The following GRIN2A variants were observed in gnomAD, a reference collection of about 807,000 sequenced individuals.
The protein encoded by GRIN2A is glutamate receptor ionotropic, NMDA 2A.
Under a neutral mutation model 113.4 loss-of-function variants are expected in GRIN2A, and 22 were observed. That is an observed-to-expected ratio of 0.19 (90% CI 0.14 to 0.28). GRIN2A has a LOEUF of 0.28. GRIN2A is among the 10% of genes least tolerant of loss of function. GRIN2A has a pLI of 1.00. For synonymous variants in GRIN2A, 827 were observed against 738.4 expected (o/e 1.12, Z -1.94); for missense variants, 1,502 against 1,887.0 (o/e 0.80, Z 3.78).
intron 2 of GRIN2A, chr16:9,970,725 G>A: frequency 1.1e-6 from 1 of 948,572 alleles, no homozygotes. Context: ...AATAAATAAA[G>A]CAGGCAGAGT....
rs752063384 is a variant in GRIN2A at position 9,938,513 on chromosome 16, G to A, written c.453C>T (p.Ile151=). 3 of 1,609,394 alleles carry A rather than the reference G, an allele frequency of 1.9e-6. No individual in the cohort carries two copies. In the East Asian group the frequency reaches 6.7e-5, roughly 36 times the overall value. ...TSTFFQFGAS[I]QQQATVMLKI... is the part of the protein sequence containing the mutation. ...TCAGCATGACCGTGGCTTGCTGCTG[G>A]ATGGACGCTCCAAACTGGAAGAAGG... The change falls in exon 3 of 13, where the codon ATC becomes ATT. Residue 151 remains isoleucine (I), a synonymous_variant. Coordinates refer to ENST00000330684, the MANE Select transcript of GRIN2A (RefSeq NM_001134407.3).
chr16:9,964,996 T>G (rs1430366259), intron 2 of GRIN2A, among the ~76,000 whole-genome samples: 2 of 152,178 alleles, frequency 1.3e-5, no homozygotes, highest in African/African-American at 4.8e-5. Flanking sequence ...TTCAAGAGTA[T>G]GAGAAGGAAA....
chr16:9,992,757 T>C (rs917696886), intron 2 of GRIN2A, among the ~76,000 whole-genome samples: 3 of 152,148 alleles, frequency 2.0e-5, no homozygotes, highest in Admixed American at 1.3e-4. Flanking sequence ...GTGTGGACAG[T>C]GGACAAATCT....
intron 10 of GRIN2A, among the ~76,000 whole-genome samples, chr16:9,798,835 T>C (rs967395488): frequency 1.3e-5 from 2 of 152,236 alleles, no homozygotes; most frequent in African/African-American, 4.8e-5. Flanking sequence ...CAGAAGAATT[T>C]GGTGGTAGTG....
At chr16:9,995,000 C>G (rs753113925) in intron 2 of GRIN2A, among the ~76,000 whole-genome samples, 46 of 152,152 alleles carry the variant, frequency 3.0e-4, no homozygotes, top group Non-Finnish European at 1.5e-4. Flanking sequence ...CTCGGTCAAA[C>G]AGACACCTGA....
At position 9,904,453 on chromosome 16, in the gene GRIN2A, C is replaced by G. The variant is rs369854051; in HGVS notation, c.1008-13353G>C. ...GCAGCGTGATCTCAGCTTACTGCAA[C>G]CTCCACCTCCCGGGTTCAAGCAATT... On this transcript the variant is annotated intron_variant, in intron 3 of 12. Transcript: ENST00000330684. Among the ~76,000 whole-genome samples, 33 of 152,288 alleles carry G rather than the reference C, an allele frequency of 2.2e-4. No homozygotes were observed. The East Asian group carries it at 5.6e-3, about 26-fold the overall frequency.
intron 4 of GRIN2A, 25 bp from the exon 5 acceptor site, chr16:9,849,986 G>A (rs769379648): frequency 1.3e-6 from 2 of 1,596,506 alleles, no homozygotes; most frequent in Admixed American, 3.3e-5. Context: ...CAAAGACACA[G>A]CTGTGCTTTC....
rs1270097010 is a variant in GRIN2A, at chr16:9,759,047, T to C, written c.*4102A>G. ...CAGGCTCCATTTCAGAAACAACGCA[T>C]GTCCCCTTTTCAAGGATTCATGCAC... On this transcript the variant is annotated 3_prime_UTR_variant, in exon 13 of 13. Coordinates refer to ENST00000330684, the MANE Select transcript of GRIN2A (RefSeq NM_001134407.3). 1 of 220,362 alleles carries C rather than the reference T, an allele frequency of 4.5e-6. No individual in the cohort carries two copies. The highest frequency in any genetic ancestry group is 9.1e-6 in the Non-Finnish European group (1 of 109,924). 13.7% of individuals were successfully genotyped at this position (220,362 alleles called of 1,614,324 possible). A position where few individuals can be genotyped will look rare whatever the true frequency, so the allele number is the denominator to read the frequency against.
At chr16:9,844,815 T>C (rs1455924912) in intron 5 of GRIN2A, among the ~76,000 whole-genome samples, 1 of 152,208 alleles carries the variant, frequency 6.6e-6, no homozygotes, top group Non-Finnish European at 1.5e-5. Flanking sequence ...CATTTCTCGC[T>C]ACACATCAGG....
intron 2 of GRIN2A, among the ~76,000 whole-genome samples, chr16:10,079,998 A>G (rs1324553857): frequency 2.0e-5 from 3 of 152,246 alleles, no homozygotes; most frequent in Non-Finnish European, 4.4e-5. Flanking sequence ...CAGCGAGCAA[A>G]TAAGAATGAT....
intron 2 of GRIN2A, among the ~76,000 whole-genome samples, chr16:9,999,524 T>C (rs1034938485): frequency 2.0e-5 from 3 of 151,978 alleles, no homozygotes; most frequent in African/African-American, 7.3e-5. Context: ...TTCTCACTCA[T>C]AAGTGGGAGT....
chr16:9,957,617 A>G (rs2045337035), intron 2 of GRIN2A, among the ~76,000 whole-genome samples: 2 of 152,216 alleles, frequency 1.3e-5, no homozygotes, highest in Non-Finnish European at 2.9e-5. Context: ...TTCTAATAGG[A>G]AGGGAGATTA....
At chr16:9,951,551 C>T (rs2045180644) in intron 2 of GRIN2A, among the ~76,000 whole-genome samples, 1 of 152,196 alleles carries the variant, frequency 6.6e-6, no homozygotes, top group Non-Finnish European at 1.5e-5. Context: ...GACCCACTTG[C>T]AGCTCAAAAG....
At chr16:9,930,397 ACTGT>A (rs2044560648) in intron 3 of GRIN2A, among the ~76,000 whole-genome samples, 3 of 152,218 alleles carry the variant, frequency 2.0e-5, no homozygotes, top group African/African-American at 2.4e-5. Context: ...TGAACACAGC[ACTGT>A]CTAAGTCTAC....
At position 9,998,828 on chromosome 16, in the gene GRIN2A, C is replaced by A. The variant is rs188455949; in HGVS notation, c.415-60277G>T. Among the ~76,000 whole-genome samples, 874 of 152,144 alleles carry A rather than the reference C, an allele frequency of 5.7e-3. 13 individuals are homozygous for A. The highest frequency in any genetic ancestry group is 0.02 in the African/African-American group (838 of 41,506). On this transcript the variant is annotated intron_variant, in intron 2 of 12. Coordinates refer to ENST00000330684, the MANE Select transcript of GRIN2A (RefSeq NM_001134407.3). Reference sequence around the variant, plus strand: ...ACAATAGTCACAAATACTCCTCCTCCCCCTCCTGCAAAAACTTTTCAGGTC... The same window carrying A: ...ACAATAGTCACAAATACTCCTCCTCACCCTCCTGCAAAAACTTTTCAGGTC...
intron 2 of GRIN2A, among the ~76,000 whole-genome samples, chr16:10,023,770 C>G (rs72774081): frequency 0.091 from 13,864 of 152,278 alleles, 711 homozygotes; most frequent in Non-Finnish European, 0.11. Flanking sequence ...CTCATTTGCA[C>G]TGGACTTCCA....
At chr16:9,883,997 T>G (rs971928835) in intron 4 of GRIN2A, among the ~76,000 whole-genome samples, 2 of 152,218 alleles carry the variant, frequency 1.3e-5, no homozygotes, top group African/African-American at 4.8e-5. Flanking sequence ...TTTATGTGTT[T>G]TGTCCTATTT....
chr16:9,917,647 A>G (rs571674269), intron 3 of GRIN2A, among the ~76,000 whole-genome samples: 4 of 152,372 alleles, frequency 2.6e-5, no homozygotes, highest in Non-Finnish European at 5.9e-5. Flanking sequence ...AGTCAAATAA[A>G]ATATGTTAAC....
intron 10 of GRIN2A, among the ~76,000 whole-genome samples, chr16:9,801,077 G>A (rs1903333886): frequency 6.6e-6 from 1 of 152,182 alleles, no homozygotes; most frequent in Admixed American, 6.5e-5. Context: ...GGCGTTCATT[G>A]TGGTCTTGCT....
Sources: gnomAD v4.1 joint callset for allele counts (sites outside exome capture counted in the v4.1 genomes callset) on GRCh38, gnomAD v4.1.1 for gene constraint, MANE v1.5 for transcripts, NCBI Gene and HGNC (gene_info 2026-07-23, HGNC 2026-07-21) for gene names.